Variants in GLT1D1 observed in about 807,000 individuals in gnomAD.
GLT1D1 encodes the protein glycosyltransferase 1 domain containing 1.
A neutral mutation model predicts 28.7 loss-of-function variants in GLT1D1; 21 were observed. That is an observed-to-expected ratio of 0.73 (90% CI 0.52 to 1.05). The LOEUF is 1.05. Ranked by LOEUF, GLT1D1 falls within the 50% of genes least tolerant of loss-of-function variation. The pLI is 0.00. For synonymous variants in GLT1D1, 147 were observed against 124.8 expected (o/e 1.18, Z -1.19); for missense variants, 343 against 330.6 (o/e 1.04, Z -0.29).
chr12:128,939,839 C>CCT (rs1555271946), intron 4 of GLT1D1, among the ~76,000 whole-genome samples: 1 of 140,934 alleles, frequency 7.1e-6, no homozygotes, highest in African/African-American at 2.8e-5. Flanking sequence ...TGTTAGAAAC[C>CCT]CCCCCCCACC....
chr12:128,895,649 G>T (rs1319368981), intron 3 of GLT1D1, among the ~76,000 whole-genome samples: 2 of 151,962 alleles, frequency 1.3e-5, no homozygotes, highest in Non-Finnish European at 2.9e-5. Flanking sequence ...AGAGAACGGG[G>T]TTTCTCAATG....
At chr12:128,883,415 C>A (rs1329452532) in intron 2 of GLT1D1, among the ~76,000 whole-genome samples, 2 of 150,412 alleles carry the variant, frequency 1.3e-5, no homozygotes, top group Non-Finnish European at 3.0e-5. Context: ...CACGGTGAAA[C>A]CCCGTCTCTA....
At chr12:128,946,603 G>T in intron 5 of GLT1D1, among the ~76,000 whole-genome samples, 1 of 148,934 alleles carries the variant, frequency 6.7e-6, no homozygotes, top group African/African-American at 2.5e-5. Context: ...AAAGTGCTGG[G>T]ATTACAGGCG....
intron 4 of GLT1D1, chr12:128,944,806 GTA>G (rs138322800): frequency 7.1e-4 from 159 of 223,758 alleles, no homozygotes; most frequent in East Asian, 2.0e-3. Context: ...ATATATATAT[GTA>G]TATATATATA....
At chr12:128,874,174 C>A (rs1249248430) in intron 1 of GLT1D1, among the ~76,000 whole-genome samples, 1 of 123,036 alleles carries the variant, frequency 8.1e-6, no homozygotes, top group Non-Finnish European at 1.7e-5. Context: ...TTCTTTCTTT[C>A]TTTTTTTCTC....
chr12:128,969,221 C>G (rs2459461), intron 7 of GLT1D1, among the ~76,000 whole-genome samples: 1 of 150,646 alleles, frequency 6.6e-6, no homozygotes. Context: ...CTGTTTCTCT[C>G]ATTGTCTCTT....
At chr12:128,935,856 G>A (rs538411867) in intron 4 of GLT1D1, among the ~76,000 whole-genome samples, 6 of 152,256 alleles carry the variant, frequency 3.9e-5, no homozygotes, top group South Asian at 2.1e-4. Context: ...AGTCCCGTAC[G>A]AAATCCACGC....
rs181190737 is a variant in GLT1D1, at chr12:128,923,476, T to C, written c.376-21850T>C. 3.9e-4 allele frequency among the ~76,000 whole-genome samples: 60 copies of C among 152,176 alleles called. 1 individual carries two copies. Among genetic ancestry groups the C allele is most frequent in the African/African-American group, 1.4e-3 (59 of 41,518 alleles). On this transcript the variant is annotated intron_variant, in intron 4 of 7. Transcript: ENST00000281703. ...AAGTCTTTGCTAATAAGGCTCAGCTTTTTCCTGTATCTGCAGATGTCTTGG... is the reference window on the plus strand; with the variant it reads ...AAGTCTTTGCTAATAAGGCTCAGCTCTTTCCTGTATCTGCAGATGTCTTGG...
At chr12:128,964,621 CAT>C (rs1400869931) in intron 7 of GLT1D1, among the ~76,000 whole-genome samples, 5 of 152,208 alleles carry the variant, frequency 3.3e-5, no homozygotes, top group Non-Finnish European at 5.9e-5. Context: ...TCAACACCTT[CAT>C]AATCACCGTT....
intron 4 of GLT1D1, among the ~76,000 whole-genome samples, chr12:128,940,081 T>C (rs1396925327): frequency 6.6e-6 from 1 of 152,128 alleles, no homozygotes; most frequent in Non-Finnish European, 1.5e-5. Context: ...TTGTATTGTA[T>C]TGTAGCTCTC....
At chr12:128,959,029 G>A (rs925436662) in intron 7 of GLT1D1, among the ~76,000 whole-genome samples, 3 of 151,332 alleles carry the variant, frequency 2.0e-5, no homozygotes, top group Non-Finnish European at 4.4e-5. Context: ...TTAGAGACAG[G>A]AGCTTGCCTT....
chr12:128,973,932 G>C (rs942710149), intron 7 of GLT1D1, among the ~76,000 whole-genome samples: 1 of 114,782 alleles, frequency 8.7e-6, no homozygotes, highest in African/African-American at 3.2e-5. Flanking sequence ...GTGTGTGTGT[G>C]TGTAGGGTGT....
At chr12:128,925,892 AT>A (rs1422049471) in intron 4 of GLT1D1, among the ~76,000 whole-genome samples, 1 of 152,122 alleles carries the variant, frequency 6.6e-6, no homozygotes, top group African/African-American at 2.4e-5. Flanking sequence ...GGAAATTAAT[AT>A]AAAAGTAAGA....
Position 128,970,069 on chromosome 12 carries a change from G to A in GLT1D1, c.639+12426G>A, listed in dbSNP as rs183792341. 2.0e-4 allele frequency among the ~76,000 whole-genome samples: 30 copies of A among 152,310 alleles called. No homozygotes were observed. The East Asian group carries it at 5.4e-3, about 28-fold the overall frequency. On this transcript the variant is annotated intron_variant, in intron 7 of 7. Transcript: ENST00000281703. ...GGTGCTTGCCTCACATCAAAACAAC[G>A]CTGCTGTAGGAATCAGCTCCGAAGG...
chr12:128,961,438 A>G (rs1383692899), intron 7 of GLT1D1, among the ~76,000 whole-genome samples: 1 of 152,230 alleles, frequency 6.6e-6, no homozygotes, highest in Non-Finnish European at 1.5e-5. Context: ...ATGAATGCAT[A>G]AGGAAGATGT....
At chr12:128,877,249 G>A (rs191462036) in intron 2 of GLT1D1, among the ~76,000 whole-genome samples, 1 of 152,314 alleles carries the variant, frequency 6.6e-6, no homozygotes, top group East Asian at 1.9e-4. Context: ...AAATGACATA[G>A]TAGTGGTATC....
chr12:128,949,009 C>T (rs1203270951), intron 6 of GLT1D1, among the ~76,000 whole-genome samples: 1 of 152,148 alleles, frequency 6.6e-6, no homozygotes, highest in Non-Finnish European at 1.5e-5. Context: ...AGCACCTCTG[C>T]TTAGGGGTTG....
At chr12:128,874,019 CCCTT>C (rs1956770597) in intron 1 of GLT1D1, among the ~76,000 whole-genome samples, 1 of 107,732 alleles carries the variant, frequency 9.3e-6, no homozygotes, top group African/African-American at 4.5e-5. Flanking sequence ...CTTCCCCTTC[CCCTT>C]CCTCCCTCCC....
intron 7 of GLT1D1, among the ~76,000 whole-genome samples, chr12:128,967,549 A>G (rs1227005515): frequency 6.6e-6 from 1 of 152,128 alleles, no homozygotes; most frequent in Non-Finnish European, 1.5e-5. Context: ...CCAATACTCA[A>G]CCGCGTTCAC....
Sources: allele counts gnomAD v4.1 joint callset (sites outside exome capture counted in the v4.1 genomes callset), GRCh38; gene constraint gnomAD v4.1.1; transcripts MANE v1.5; gene names NCBI Gene and HGNC (gene_info 2026-07-23, HGNC 2026-07-21).